The following CNTFR variants were observed in gnomAD, a reference collection of about 807,000 sequenced individuals.
CNTFR encodes the protein ciliary neurotrophic factor receptor subunit alpha.
In CNTFR, 12 loss-of-function variants were observed where a neutral mutation model predicts 40.4. The ratio of observed to expected loss-of-function variants is 0.30; its 90% CI spans 0.19 to 0.48. CNTFR has a LOEUF of 0.48. CNTFR is among the 20% of genes least tolerant of loss of function. The probability of loss-of-function intolerance (pLI) is 0.99; values close to 1 mark genes in which losing one functional copy is unlikely to be tolerated. For synonymous variants in CNTFR, 202 were observed against 209.6 expected, an observed-to-expected ratio of 0.96 and a Z score of 0.31; for missense variants, 414 against 506.8, an observed-to-expected ratio of 0.82 and a Z score of 1.76.
chr9:34,552,583 G>C lies in CNTFR; in HGVS notation c.949+91C>G. ...AGTGTGGCTACCCCCGGGAGCAGAG[G>C]CTGGAGGCAGCAGGGTAGAACCAGG... On this transcript the variant is annotated intron_variant, in intron 8 of 9. Transcript: ENST00000378980. This position sits in a 1 kb window ranked among gnomAD's most constrained non-coding sequence, Gnocchi z 5.1. 1 of 1,351,948 alleles carries C rather than the reference G, an allele frequency of 7.4e-7. No individual in the cohort carries two copies. The allele number at this position is 1,351,948 out of a possible 1,614,324, so 83.7% of individuals were successfully genotyped here. A position where few individuals can be genotyped will look rare whatever the true frequency, so the allele number is the denominator to read the frequency against.
intron 4 of CNTFR, among the ~76,000 whole-genome samples, chr9:34,558,580 A>C (rs1428150195): frequency 6.6e-6 from 1 of 152,162 alleles, no homozygotes; most frequent in African/African-American, 2.4e-5. Flanking sequence ...TCTCTATGTG[A>C]CATGAATGAG....
chr9:34,562,210 C>G (rs928072947), intron 4 of CNTFR, among the ~76,000 whole-genome samples: 4 of 152,170 alleles, frequency 2.6e-5, no homozygotes, highest in African/African-American at 9.7e-5. Context: ...CATCCTTTTT[C>G]CATGGCACTC....
At chr9:34,558,624 G>A (rs1016781580) in intron 4 of CNTFR, among the ~76,000 whole-genome samples, 2 of 152,214 alleles carry the variant, frequency 1.3e-5, no homozygotes, top group African/African-American at 4.8e-5. Flanking sequence ...CTATGCGGAT[G>A]TGTGTGAATC....
chr9:34,552,690 C>G lies in CNTFR; in HGVS notation c.933G>C (p.Thr311=), dbSNP rs747993586. The change falls in exon 8 of 10, where the codon ACG becomes ACC. Residue 311 remains threonine, a synonymous_variant. Transcript: ENST00000378980. The surrounding 1 kb of genome is among the most constrained non-coding windows in gnomAD (Gnocchi z 5.1). ...CAAGCTCACCCGCAGCCTGGGCCTC[C>G]GTGGTGAGGTGTCGCGGTTCCTCAG... ...PWTEEPRHLT[T]EAQAAETTTS... is the part of the protein sequence containing the mutation. The G allele has an allele frequency of 6.2e-7, 1 of 1,613,302 alleles. No homozygotes were observed. The highest frequency in any genetic ancestry group is 8.5e-7 in the Non-Finnish European group (1 of 1,179,942).
At chr9:34,577,694 G>A (rs1031677733) in intron 2 of CNTFR, among the ~76,000 whole-genome samples, 10 of 152,150 alleles carry the variant, frequency 6.6e-5, no homozygotes, top group Admixed American at 3.3e-4. Context: ...CAGGCCAATG[G>A]ACACAGCCAG....
intron 2 of CNTFR, among the ~76,000 whole-genome samples, chr9:34,571,782 G>T (rs1826671422): frequency 6.6e-6 from 1 of 152,078 alleles, no homozygotes; most frequent in African/African-American, 2.4e-5. Context: ...ACCCAGAAAA[G>T]GGAGAGACTC....
intron 7 of CNTFR, among the ~76,000 whole-genome samples, chr9:34,555,934 C>A (rs1459416271): frequency 7.3e-6 from 1 of 136,710 alleles, no homozygotes; most frequent in Non-Finnish European, 1.6e-5. Flanking sequence ...CTCCCTCCCC[C>A]GCCATCTCCC....
At chr9:34,584,189 G>C (rs1419848017) in intron 1 of CNTFR, among the ~76,000 whole-genome samples, 3 of 152,170 alleles carry the variant, frequency 2.0e-5, no homozygotes, top group African/African-American at 7.2e-5. Context: ...TCTGACATCA[G>C]TTGTATCTCC....
rs1356497029 is a variant in CNTFR, at chr9:34,557,550, T to C, written c.580A>G (p.Ile194Val). ...CCAATGGTGAACTCGTCAAAGGTGA[T>C]AGCTGTGGCATTGTGGCCCAGGGCA... ...SNALGHNATA[I>V]TFDEFTIVKP... is the part of the protein sequence containing the mutation. The change falls in exon 6 of 10, where the codon ATC becomes GTC. Residue 194 changes from isoleucine (I) to valine (V), a missense_variant. Coordinates refer to ENST00000378980, the MANE Select transcript of CNTFR (RefSeq NM_147164.3). The surrounding 1 kb of genome is among the most constrained non-coding windows in gnomAD (Gnocchi z 4.2). The C allele has an allele frequency of 5.6e-6, 9 of 1,614,048 alleles. No homozygotes were observed. In the Admixed American group the frequency reaches 6.7e-5, roughly 12 times the overall value.
intron 2 of CNTFR, among the ~76,000 whole-genome samples, chr9:34,576,251 G>A (rs1280242482): frequency 2.0e-5 from 3 of 152,112 alleles, no homozygotes; most frequent in African/African-American, 7.2e-5. Context: ...CCACAGCCCC[G>A]TACACGCTGG....
At chr9:34,585,936 G>C (rs574986782) in intron 1 of CNTFR, among the ~76,000 whole-genome samples, 17 of 152,088 alleles carry the variant, frequency 1.1e-4, no homozygotes, top group African/African-American at 4.1e-4. Context: ...ACTCGCCATG[G>C]GGGGGCAGAG....
At chr9:34,576,109 C>G (rs1452005235) in intron 2 of CNTFR, among the ~76,000 whole-genome samples, 1 of 152,164 alleles carries the variant, frequency 6.6e-6, no homozygotes, top group East Asian at 1.9e-4. Flanking sequence ...GCAGAGCTCT[C>G]AAAGCCCCCG....
At chr9:34,576,211 C>A (rs1826953393) in intron 2 of CNTFR, among the ~76,000 whole-genome samples, 1 of 152,236 alleles carries the variant, frequency 6.6e-6, no homozygotes, top group Non-Finnish European at 1.5e-5. Context: ...CGTGGCCACA[C>A]ATCAGGGCCT....
chr9:34,569,030 G>T, intron 2 of CNTFR, 49 bp from the exon 3 acceptor site: 1 of 1,495,842 alleles, frequency 6.7e-7, no homozygotes. Context: ...AGCCCAGGCA[G>T]GACTGTCCTG....
chr9:34,588,654 A>T (rs533440645), intron 1 of CNTFR, among the ~76,000 whole-genome samples: 1 of 152,232 alleles, frequency 6.6e-6, no homozygotes, highest in Non-Finnish European at 1.5e-5. Context: ...TGAATTTTCA[A>T]CAAGGCGTGA....
intron 2 of CNTFR, among the ~76,000 whole-genome samples, chr9:34,570,995 T>C (rs1826589515): frequency 6.6e-6 from 1 of 152,154 alleles, no homozygotes; most frequent in Admixed American, 6.5e-5. Context: ...TGCCCCTCCC[T>C]GGCACAGTAA....
At chr9:34,559,715 C>A (rs1471653738) in intron 4 of CNTFR, among the ~76,000 whole-genome samples, 1 of 152,046 alleles carries the variant, frequency 6.6e-6, no homozygotes, top group African/African-American at 2.4e-5. Context: ...AAGGACATTC[C>A]GAGGTCGGCC....
At chr9:34,588,696 G>T (rs952262253) in intron 1 of CNTFR, among the ~76,000 whole-genome samples, 4 of 152,314 alleles carry the variant, frequency 2.6e-5, no homozygotes, top group East Asian at 3.9e-4. Context: ...CTACTGGAGG[G>T]GGGAGGGGGA....
chr9:34,568,784 T>G, intron 3 of CNTFR, 113 bp downstream of exon 3: 1 of 921,646 alleles, frequency 1.1e-6, no homozygotes, highest in South Asian at 1.5e-5. Flanking sequence ...GGTGGTCATG[T>G]GTGACAATGC....
Sources: gnomAD v4.1 joint callset for allele counts (sites outside exome capture counted in the v4.1 genomes callset) on GRCh38, gnomAD v4.1.1 for gene constraint, Gnocchi (gnomAD v3.1) non-coding constraint, MANE v1.5 for transcripts, NCBI Gene and HGNC (gene_info 2026-07-23, HGNC 2026-07-21) for gene names.